The following WDR81 variants were observed in gnomAD, a reference collection of about 807,000 sequenced individuals.
WDR81 encodes WD repeat-containing protein 81.
Under a neutral mutation model 140.8 loss-of-function variants are expected in WDR81, and 92 were observed. The ratio of observed to expected loss-of-function variants is 0.65; its 90% CI spans 0.55 to 0.78. The LOEUF (loss-of-function observed/expected upper bound fraction) is 0.78, where lower values mean the gene tolerates loss of function less well. WDR81 is among the 30% of genes least tolerant of loss of function. The pLI is 0.00. For missense variants in WDR81, 2,502 were observed against 2,636.4 expected, an observed-to-expected ratio of 0.95 and a Z score of 1.12; for synonymous variants, 1,183 against 1,156.4, an observed-to-expected ratio of 1.02 and a Z score of -0.47.
chr17:1,721,755 G>T (rs1310466627), upstream of WDR81, among the ~76,000 whole-genome samples: 3 of 151,534 alleles, frequency 2.0e-5, no homozygotes, highest in Non-Finnish European at 4.4e-5. Flanking sequence ...CTGGAAGGTC[G>T]AGGCTGCAGG....
Position 1,737,801 on chromosome 17 carries a change from G to A in WDR81, c.*116G>A, listed in dbSNP as rs1033668749. On this transcript the variant is annotated 3_prime_UTR_variant, in exon 10 of 10. Coordinates refer to ENST00000409644, the MANE Select transcript of WDR81 (RefSeq NM_001163809.2). ...GGAGGCCCTGGGTCCCACGCCCTGGGTGCCCACATGGCCTGCCAACTAGGG... is the reference window on the plus strand; with the variant it reads ...GGAGGCCCTGGGTCCCACGCCCTGGATGCCCACATGGCCTGCCAACTAGGG... 1.5e-6 allele frequency: 2 copies of A among 1,332,308 alleles called. No homozygotes were observed. The highest frequency in any genetic ancestry group is 2.0e-6 in the Non-Finnish European group (2 of 999,760). The allele number at this position is 1,332,308 out of a possible 1,614,324, so 82.5% of individuals were successfully genotyped here.
chr17:1,726,758 C>T lies in WDR81; in HGVS notation c.1799C>T (p.Pro600Leu), dbSNP rs1253960046. The T allele has an allele frequency of 1.9e-6, 3 of 1,547,680 alleles. No individual in the cohort carries two copies. The highest frequency in any genetic ancestry group is 1.7e-6 in the Non-Finnish European group (2 of 1,146,466). The change falls in exon 1 of 10, where the codon CCC (proline) becomes CTC (leucine). Residue 600 changes from proline to leucine, a missense_variant. By Grantham distance (98) the Pro-to-Leu change is moderately conservative. Around this residue, in one of 3 missense-constraint regions of WDR81, gnomAD observed 1,737 missense variants for 1,843.0 expected, o/e 0.94. Coordinates refer to ENST00000409644, the MANE Select transcript of WDR81 (RefSeq NM_001163809.2). Reference sequence around the variant, plus strand: ...CTGGCTGGGGCTCCTGCCCTTGCCCCCGAGCCTCCCCTCATCCCCAAGCTG... The same window carrying T: ...CTGGCTGGGGCTCCTGCCCTTGCCCTCGAGCCTCCCCTCATCCCCAAGCTG... ...QRLAGAPALA[P>L]EPPLIPKLLV...
chr17:1,716,730 A>G (rs1227438414), intron 1 of WDR81: 2 of 1,367,322 alleles, frequency 1.5e-6, no homozygotes, highest in Non-Finnish European at 2.0e-6. Flanking sequence ...TGCTTCTTTT[A>G]GACATTCCCC....
chr17:1,722,691 CTTTCT>C (rs1189785337), upstream of WDR81, among the ~76,000 whole-genome samples: 307 of 117,636 alleles, frequency 2.6e-3, no homozygotes, highest in African/African-American at 8.4e-3. Flanking sequence ...TCTTTTCTTT[CTTTCT>C]TTTTTTTTTT....
Position 1,738,375 on chromosome 17 carries a change from C to G in WDR81, c.*690C>G, listed in dbSNP as rs1028763661. ...GTGCCTTCAGCTGAGGGGGCAGCCT[C>G]TGGGCCCTGAACCCCTGCTGGGGCT... is the stretch of plus-strand genomic sequence containing the variant. On this transcript the variant is annotated 3_prime_UTR_variant, in exon 10 of 10. Transcript: ENST00000409644. The G allele has an allele frequency of 6.5e-6, 1 of 153,556 alleles. No homozygotes were observed. Among genetic ancestry groups the G allele is most frequent in the African/African-American group, 2.4e-5 (1 of 41,472 alleles). The allele number at this position is 153,556 out of a possible 1,614,324, so 9.5% of individuals were successfully genotyped here.
rs754565701 is a variant in WDR81, at chr17:1,725,154, C to A, written c.195C>A (p.Ser65Arg). ...TAGTGCCTGCGCGCTGGCTGGCCAGCCTCCGCGATCGCCGGCTGCCCCTGG... is the reference window on the plus strand; with the variant it reads ...TAGTGCCTGCGCGCTGGCTGGCCAGACTCCGCGATCGCCGGCTGCCCCTGG... Reference protein sequence around the residue: ...VALVPARWLASLRDRRLPLGP... With the variant: ...VALVPARWLARLRDRRLPLGP... Residue 65 changes from serine to arginine, a missense_variant, in exon 1 of 10, where the codon AGC (serine) becomes AGA (arginine). By Grantham distance (110) the Ser-to-Arg change is moderately radical. Around this residue, in one of 3 missense-constraint regions of WDR81, gnomAD observed 547 missense variants for 513.8 expected, o/e 1.06. Coordinates refer to ENST00000409644, the MANE Select transcript of WDR81 (RefSeq NM_001163809.2). The A allele has an allele frequency of 1.3e-6, 2 of 1,533,552 alleles. No homozygotes were observed. Among genetic ancestry groups the A allele is most frequent in the South Asian group, 2.4e-5 (2 of 83,848 alleles). The allele number at this position is 1,533,552 out of a possible 1,614,324, so 95.0% of individuals were successfully genotyped here. A position where few individuals can be genotyped will look rare whatever the true frequency, so the allele number is the denominator to read the frequency against.
chr17:1,724,495 T>TGG, upstream of WDR81: 1 of 981,414 alleles, frequency 1.0e-6, no homozygotes, highest in Non-Finnish European at 1.2e-6. Context: ...TAGGGAGGGG[T>TGG]GGGGCGGTAG....
upstream of WDR81, among the ~76,000 whole-genome samples, chr17:1,724,034 AGGTGGCAT>A (rs1309489172): frequency 1.3e-5 from 2 of 152,122 alleles, no homozygotes; most frequent in African/African-American, 4.8e-5. Flanking sequence ...TTCCTATGGA[AGGTGGCAT>A]GGAGGCGCCG....
chr17:1,730,883 A>G lies in WDR81; in HGVS notation c.3904A>G (p.Ile1302Val), dbSNP rs754053230. ...SGPVLSCLLH[I>V]ARLYGEPVLT... ...GCCTGTGCTCAGCTGCCTCCTCCACATCGCCCGCCTGTATGGGGAGCCTGT... is the reference window on the plus strand; with the variant it reads ...GCCTGTGCTCAGCTGCCTCCTCCACGTCGCCCGCCTGTATGGGGAGCCTGT... Residue 1302 changes from isoleucine (I) to valine (V), a missense_variant, in exon 3 of 10, where the codon ATC becomes GTC. Around this residue, in one of 3 missense-constraint regions of WDR81, gnomAD observed 1,737 missense variants for 1,843.0 expected, o/e 0.94. Coordinates refer to ENST00000409644, the MANE Select transcript of WDR81 (RefSeq NM_001163809.2). 5.0e-6 allele frequency: 8 copies of G among 1,612,774 alleles called. No homozygotes were observed. The Admixed American group carries it at 5.0e-5, about 10-fold the overall frequency.
Position 1,726,878 on chromosome 17 carries a change from C to T in WDR81, c.1919C>T (p.Ala640Val). The change falls in exon 1 of 10, where the codon GCC becomes GTC. Residue 640 changes from alanine to valine, a missense_variant. Physicochemically the swap from Ala to Val is moderately conservative, Grantham distance 64. Transcript: ENST00000409644. Reference sequence around the variant, plus strand: ...GGAGTGGGCCGGCCAGTTTTAGAGGCCACTCCCTGTGAGGCTAGCTGGACC... The same window carrying T: ...GGAGTGGGCCGGCCAGTTTTAGAGGTCACTCCCTGTGAGGCTAGCTGGACC... ...PNGVGRPVLE[A>V]TPCEASWTRD... The T allele has an allele frequency of 6.4e-7, 1 of 1,550,414 alleles. No homozygotes were observed. Among genetic ancestry groups the T allele is most frequent in the Non-Finnish European group, 8.7e-7 (1 of 1,146,970 alleles).
chr17:1,726,135 C>T lies in WDR81; in HGVS notation c.1176C>T (p.Pro392=). The T allele has an allele frequency of 6.5e-7, 1 of 1,533,902 alleles. No homozygotes were observed. The highest frequency in any genetic ancestry group is 8.8e-7 in the Non-Finnish European group (1 of 1,135,834). Residue 392 remains proline, a synonymous_variant, in exon 1 of 10, where the codon CCC becomes CCT. Transcript: ENST00000409644. ...VLPWVVDFTT[P]HGRFRDLRKS... ...CCTGGGTGGTGGACTTCACTACGCC[C>T]CATGGGCGCTTCCGAGACCTGCGCA...
intron 1 of WDR81, among the ~76,000 whole-genome samples, chr17:1,718,236 G>T (rs1374357910): frequency 6.6e-6 from 1 of 151,940 alleles, no homozygotes; most frequent in East Asian, 1.9e-4. Flanking sequence ...TCCTCCTTCA[G>T]CCTCCTGAGT....
rs1318785996 is a variant in WDR81 at position 1,727,173 on chromosome 17, C to A, written c.2214C>A (p.Gly738=). Residue 738 remains glycine, a synonymous_variant, in exon 1 of 10, where the codon GGC becomes GGA. Coordinates refer to ENST00000409644, the MANE Select transcript of WDR81 (RefSeq NM_001163809.2). Reference sequence around the variant, plus strand: ...CCCTGGAGGAGCTGGAGAAAACGGGCAACTTCTTGGCCAAAGGCCTAGGGG... The same window carrying A: ...CCCTGGAGGAGCTGGAGAAAACGGGAAACTTCTTGGCCAAAGGCCTAGGGG... ...MQALEELEKT[G]NFLAKGLGGL... 2.6e-6 allele frequency: 4 copies of A among 1,547,732 alleles called. No individual in the cohort carries two copies. The African/African-American group carries it at 4.1e-5, about 16-fold the overall frequency.
At position 1,734,229 on chromosome 17, in the gene WDR81, A is replaced by G; in HGVS notation, c.5179+13A>G. ...GACCCCTTCACAGGTGAGCGGGCCC[A>G]GGTGAGGCCTGTTCTCTTCCTGCTC... On this transcript the variant is annotated intron_variant, in intron 7 of 9. Coordinates refer to ENST00000409644, the MANE Select transcript of WDR81 (RefSeq NM_001163809.2). The G allele has an allele frequency of 6.4e-7, 1 of 1,556,948 alleles. No homozygotes were observed.
rs1915480391 is a variant in WDR81, at chr17:1,728,771, G to A, written c.3667+145G>A. 5.4e-6 allele frequency: 6 copies of A among 1,118,432 alleles called. No homozygotes were observed. In the African/African-American group the frequency reaches 9.4e-5, roughly 18 times the overall value. 69.3% of individuals were successfully genotyped at this position (1,118,432 alleles called of 1,614,324 possible). Reference sequence around the variant, plus strand: ...AGATCGAGACCATCCTAATAACAAGGTGAAACCCCGTCTCTACTAAAAATA... The same window carrying A: ...AGATCGAGACCATCCTAATAACAAGATGAAACCCCGTCTCTACTAAAAATA... On this transcript the variant is annotated intron_variant, in intron 1 of 9. Transcript: ENST00000409644.
In WDR81 at chr17:1,734,133, G is replaced by T. The variant is rs1904642989; in HGVS notation, c.5096G>T (p.Ser1699Ile). Residue 1699 changes from serine to isoleucine, a missense_variant, in exon 7 of 10, where the codon AGC (serine) becomes ATC (isoleucine). By Grantham distance (142) the Ser-to-Ile change is moderately radical (BLOSUM62 -2). Around this residue, in one of 3 missense-constraint regions of WDR81, gnomAD observed 1,737 missense variants for 1,843.0 expected, o/e 0.94. Transcript: ENST00000409644. Reference sequence around the variant, plus strand: ...CTCGTCTACACCCAGCACCGCAAGAGCGTCTTCTTCGTGGGCCAGCTTGAG... The same window carrying T: ...CTCGTCTACACCCAGCACCGCAAGATCGTCTTCTTCGTGGGCCAGCTTGAG... Reference protein sequence around the residue: ...PRLVYTQHRKSVFFVGQLEAP... With the variant: ...PRLVYTQHRKIVFFVGQLEAP... 1 of 1,599,820 alleles carries T rather than the reference G, an allele frequency of 6.3e-7. No homozygotes were observed. The highest frequency in any genetic ancestry group is 8.5e-7 in the Non-Finnish European group (1 of 1,179,720).
At chr17:1,724,659 C>T, upstream of WDR81, 3 of 1,039,682 alleles carry the variant, frequency 2.9e-6, no homozygotes, top group Non-Finnish European at 3.5e-6. Flanking sequence ...CCTCTGGAGC[C>T]ACGTGCGCTT....
intron 9 of WDR81, 115 bp downstream of exon 9, chr17:1,736,333 C>A: frequency 7.8e-7 from 1 of 1,281,718 alleles, no homozygotes; most frequent in Non-Finnish European, 1.0e-6. Context: ...GTCTTATATA[C>A]CTGGTCCAGG....
At position 1,735,290 on chromosome 17, in the gene WDR81, G is replaced by A. The variant is rs1206346655; in HGVS notation, c.5180-282G>A. On this transcript the variant is annotated intron_variant, in intron 7 of 9. Transcript: ENST00000409644. This position sits in a 1 kb window ranked among gnomAD's most constrained non-coding sequence, Gnocchi z 4.2. ...CAAAAATACAAAAAATTAGCCAGGCGTGGTGGCGGACGCCTGTAGTCCCAG... is the reference window on the plus strand; with the variant it reads ...CAAAAATACAAAAAATTAGCCAGGCATGGTGGCGGACGCCTGTAGTCCCAG... Among the ~76,000 whole-genome samples the A allele has an allele frequency of 6.6e-6, 1 of 152,206 alleles. No individual in the cohort carries two copies. The highest frequency in any genetic ancestry group is 1.5e-5 in the Non-Finnish European group (1 of 68,044).
Sources: allele counts gnomAD v4.1 joint callset (sites outside exome capture counted in the v4.1 genomes callset), GRCh38; gene constraint gnomAD v4.1.1; regional missense constraint gnomAD v4.1.1; non-coding constraint Gnocchi (gnomAD v3.1); transcripts MANE v1.5; gene names NCBI Gene and HGNC (gene_info 2026-07-23, HGNC 2026-07-21).